WIPF1: variants seen among roughly 807,000 people sequenced by gnomAD.
The protein encoded by WIPF1 is WAS/WASL interacting protein family member 1.
A neutral mutation model predicts 35.4 loss-of-function variants in WIPF1; 13 were observed. That is an observed-to-expected ratio of 0.37 (90% CI 0.24 to 0.58). WIPF1 has a LOEUF of 0.58. Ranked by LOEUF, WIPF1 falls within the 20% of genes least tolerant of loss-of-function variation. The probability of loss-of-function intolerance (pLI) is 0.74; values close to 1 mark genes in which losing one functional copy is unlikely to be tolerated. For synonymous variants in WIPF1, 267 were observed against 266.3 expected (o/e 1.00, Z -0.02); for missense variants, 591 against 667.0 (o/e 0.89, Z 1.25).
intron 1 of WIPF1, among the ~76,000 whole-genome samples, chr2:174,611,166 T>G (rs1320005404): frequency 6.6e-6 from 1 of 152,116 alleles, no homozygotes; most frequent in Non-Finnish European, 1.5e-5. Context: ...TCTGCGTTGA[T>G]GATGTGTGGA....
chr2:174,570,434 C>T (rs961746672), intron 5 of WIPF1: 2 of 152,114 alleles, frequency 1.3e-5, no homozygotes, highest in African/African-American at 4.8e-5. Context: ...ACAAGTATGA[C>T]TTACGTAATC....
chr2:174,608,255 T>C (rs888120309), intron 1 of WIPF1, among the ~76,000 whole-genome samples: 12 of 152,180 alleles, frequency 7.9e-5, no homozygotes, highest in African/African-American at 2.7e-4. Context: ...GACAGTCCCA[T>C]AACGGCTTCA....
At chr2:174,623,525 G>A (rs1443429700) in intron 1 of WIPF1, 2 of 152,240 alleles carry the variant, frequency 1.3e-5, no homozygotes, top group African/African-American at 4.8e-5. Flanking sequence ...GTGAGCAAGA[G>A]AGTGAGAGAA....
At chr2:174,680,170 A>G (rs1688218291) in intron 1 of WIPF1, among the ~76,000 whole-genome samples, 2 of 152,238 alleles carry the variant, frequency 1.3e-5, no homozygotes, top group African/African-American at 4.8e-5. Flanking sequence ...CCAGAAAGTA[A>G]GCATTCAGGC....
At chr2:174,583,588 C>T (rs1219722346) in intron 2 of WIPF1, among the ~76,000 whole-genome samples, 4 of 152,080 alleles carry the variant, frequency 2.6e-5, no homozygotes, top group Admixed American at 6.6e-5. Context: ...TAGGTAACAA[C>T]GGATAGAAAT....
intron 1 of WIPF1, among the ~76,000 whole-genome samples, chr2:174,627,171 G>A (rs897285001): frequency 3.9e-5 from 6 of 152,036 alleles, no homozygotes; most frequent in South Asian, 2.1e-4. Context: ...TCCTAGCCCC[G>A]CTAGACTTCT....
rs1228887794 is a variant in WIPF1, at chr2:174,561,298, C to T, written c.*1249G>A. 2 of 152,624 alleles carry T rather than the reference C, an allele frequency of 1.3e-5. No individual in the cohort carries two copies. Among genetic ancestry groups the T allele is most frequent in the African/African-American group, 2.4e-5 (1 of 41,578 alleles). The allele number at this position is 152,624 out of a possible 1,614,324, so 9.5% of individuals were successfully genotyped here. A position where few individuals can be genotyped will look rare whatever the true frequency, so the allele number is the denominator to read the frequency against. The stretch of plus-strand genomic sequence containing the variant: ...CCCACCAACTCAAATCGGTTCCCTT[C>T]TTCTTCCATGTTTCTGATTTGATAT... On this transcript the variant is annotated 3_prime_UTR_variant, in exon 8 of 8. Coordinates refer to ENST00000679041, the MANE Select transcript of WIPF1 (RefSeq NM_001375834.1).
At chr2:174,576,808 T>G (rs959588536) in intron 3 of WIPF1, among the ~76,000 whole-genome samples, 2 of 152,248 alleles carry the variant, frequency 1.3e-5, no homozygotes, top group African/African-American at 4.8e-5. Flanking sequence ...TAAGCCATGC[T>G]TATACCCTCT....
At chr2:174,613,875 A>C (rs953331205) in intron 1 of WIPF1, among the ~76,000 whole-genome samples, 6 of 152,236 alleles carry the variant, frequency 3.9e-5, no homozygotes, top group Non-Finnish European at 8.8e-5. Flanking sequence ...AACAAAAAAG[A>C]ATAAATAATT....
At chr2:174,611,797 A>G (rs1686355173) in intron 1 of WIPF1, among the ~76,000 whole-genome samples, 1 of 152,238 alleles carries the variant, frequency 6.6e-6, no homozygotes. Flanking sequence ...CAGAGAAGAC[A>G]TTTAGTTGGA....
In WIPF1 at chr2:174,649,861, A is replaced by G. The variant is rs145823430; in HGVS notation, c.-39+32913T>C. On this transcript the variant is annotated intron_variant, in intron 1 of 8. Transcript: ENST00000272746. ...AGACGTAATTTCTACTTTATGCATG[A>G]CTGTAAACCTTAACTTCACTGAACT... Among the ~76,000 whole-genome samples, 658 of 152,322 alleles carry G rather than the reference A, an allele frequency of 4.3e-3. 9 individuals carry two copies. Among genetic ancestry groups the G allele is most frequent in the African/African-American group, 0.015 (638 of 41,560 alleles).
chr2:174,560,108 C>G lies in WIPF1; in HGVS notation c.*2439G>C, dbSNP rs1427211367. ...TCTGAAAATGTTATAAAAAAACACA[C>G]ATGTAAGCTCTGATTTCAGGGAAGA... On this transcript the variant is annotated 3_prime_UTR_variant, in exon 8 of 8. Transcript: ENST00000679041. 6.6e-6 allele frequency: 1 copy of G among 152,490 alleles called. No homozygotes were observed. The highest frequency in any genetic ancestry group is 1.5e-5 in the Non-Finnish European group (1 of 68,014). The allele number at this position is 152,490 out of a possible 1,614,324, so 9.4% of individuals were successfully genotyped here.
At chr2:174,569,132 TG>T (rs111553062) in intron 5 of WIPF1, among the ~76,000 whole-genome samples, 8,818 of 152,308 alleles carry the variant, frequency 0.058, 293 homozygotes, top group Middle Eastern at 0.17. Context: ...ACATTTTATG[TG>T]AATACAATGT....
chr2:174,634,105 T>A (rs560602124), intron 1 of WIPF1, among the ~76,000 whole-genome samples: 1 of 152,304 alleles, frequency 6.6e-6, no homozygotes, highest in African/African-American at 2.4e-5. Context: ...CAAGCACGTT[T>A]TTATGCACAG....
At chr2:174,645,380 T>C (rs193043939) in intron 1 of WIPF1, among the ~76,000 whole-genome samples, 2 of 152,348 alleles carry the variant, frequency 1.3e-5, no homozygotes, top group East Asian at 3.9e-4. Flanking sequence ...CTTGTTGTTC[T>C]GTCTCTGAGA....
chr2:174,591,461 C>G (rs1175798004), intron 1 of WIPF1, among the ~76,000 whole-genome samples: 1 of 151,996 alleles, frequency 6.6e-6, no homozygotes, highest in Non-Finnish European at 1.5e-5. Flanking sequence ...CAGCCAGAAC[C>G]CTAGAGTATG....
At position 174,583,237 on chromosome 2, in the gene WIPF1, CTTGT is replaced by C. The variant is rs1429199059; in HGVS notation, c.52-1802_52-1799del. Among the ~76,000 whole-genome samples, 12 of 152,360 alleles carry C rather than the reference CTTGT, an allele frequency of 7.9e-5. No individual in the cohort carries two copies. In the East Asian group the frequency reaches 2.3e-3, roughly 29 times the overall value. On this transcript the variant is annotated intron_variant, in intron 2 of 7. Transcript: ENST00000679041. Reference sequence around the variant, plus strand: ...GGGATTCTCCTCTATTGTTCTGCAACTTGTTTGTTTTCAACTTAACATACTTTGG... The same window carrying C: ...GGGATTCTCCTCTATTGTTCTGCAACTTGTTTTCAACTTAACATACTTTGG...
chr2:174,654,302 C>G (rs1435270622), intron 1 of WIPF1, among the ~76,000 whole-genome samples: 1 of 152,126 alleles, frequency 6.6e-6, no homozygotes, highest in Non-Finnish European at 1.5e-5. Context: ...TACTAAATTT[C>G]TTTTTCATTC....
chr2:174,579,257 C>A (rs1482587949), intron 3 of WIPF1, among the ~76,000 whole-genome samples: 5 of 152,208 alleles, frequency 3.3e-5, no homozygotes, highest in Non-Finnish European at 7.3e-5. Context: ...CGACTTGCCT[C>A]AGCCTCCCAA....
Sources: allele counts gnomAD v4.1 joint callset (sites outside exome capture counted in the v4.1 genomes callset), GRCh38; gene constraint gnomAD v4.1.1; transcripts MANE v1.5; gene names NCBI Gene and HGNC (gene_info 2026-07-23, HGNC 2026-07-21).